NF2: variants seen among roughly 807,000 people sequenced by gnomAD.
NF2 encodes NF2, moesin-ezrin-radixin like (MERLIN) tumor suppressor.
In NF2, 8 loss-of-function variants were observed where a neutral mutation model predicts 83.7. The ratio of observed to expected loss-of-function variants is 0.10; its 90% CI spans 0.06 to 0.17. NF2 has a LOEUF of 0.17. NF2 is among the 10% of genes least tolerant of loss of function. The pLI, the probability that NF2 is intolerant of heterozygous loss-of-function variation, is 1.00. For missense variants in NF2, 533 were observed against 744.4 expected (o/e 0.72, Z 3.31); for synonymous variants, 266 against 269.6 (o/e 0.99, Z 0.13).
chr22:29,639,901 A>AT (rs2065758408), intron 3 of NF2, among the ~76,000 whole-genome samples: 1 of 147,190 alleles, frequency 6.8e-6, no homozygotes, highest in South Asian at 2.2e-4. Flanking sequence ...AAAAAAAAAA[A>AT]AAAAAAGGAC....
chr22:29,683,766 G>A (rs1342524913), intron 15 of NF2: 11 of 1,063,998 alleles, frequency 1.0e-5, no homozygotes, highest in Non-Finnish European at 1.3e-5. Flanking sequence ...GTACACTCAC[G>A]GCACCCTGGA....
rs984341291 is a variant in NF2, at chr22:29,604,192, G to T, written c.114+80G>T. The T allele has an allele frequency of 1.2e-5, 14 of 1,174,940 alleles. No individual in the cohort carries two copies. The African/African-American group carries it at 1.7e-4, about 14-fold the overall frequency. The allele number at this position is 1,174,940 out of a possible 1,614,324, so 72.8% of individuals were successfully genotyped here. On this transcript the variant is annotated intron_variant, in intron 1 of 15. Transcript: ENST00000338641. ...AGGTTCTCTTTATATCATCTTATGG[G>T]TGTAGCTAGAGACGGGCAGAACCGG...
chr22:29,674,399 C>G (rs1256456935), intron 12 of NF2, among the ~76,000 whole-genome samples: 1 of 152,206 alleles, frequency 6.6e-6, no homozygotes, highest in African/African-American at 2.4e-5. Flanking sequence ...ACAAGGCCCA[C>G]TGGTGTTTTA....
chr22:29,644,859 G>C (rs1350166731), intron 4 of NF2, among the ~76,000 whole-genome samples: 2 of 151,972 alleles, frequency 1.3e-5, no homozygotes, highest in Non-Finnish European at 2.9e-5. Context: ...GCAGTGAGCC[G>C]AGATGGCAGC....
intron 1 of NF2, among the ~76,000 whole-genome samples, chr22:29,626,441 C>A (rs1164521419): frequency 6.6e-6 from 1 of 152,134 alleles, no homozygotes; most frequent in East Asian, 1.9e-4. Flanking sequence ...TGCGAGCCAC[C>A]ACGCCCAGCC....
intron 4 of NF2, among the ~76,000 whole-genome samples, chr22:29,643,514 A>G (rs544023465): frequency 6.6e-6 from 1 of 152,308 alleles, no homozygotes; most frequent in East Asian, 1.9e-4. Flanking sequence ...GCTGCCTTCA[A>G]GCATCTGTTT....
intron 2 of NF2, among the ~76,000 whole-genome samples, chr22:29,637,463 C>T (rs1295263902): frequency 6.6e-6 from 1 of 152,166 alleles, no homozygotes; most frequent in Non-Finnish European, 1.5e-5. Flanking sequence ...TGAATATTGC[C>T]TAAAGGAACT....
chr22:29,683,186 G>A, intron 15 of NF2: 1 of 1,610,686 alleles, frequency 6.2e-7, no homozygotes, highest in Non-Finnish European at 8.5e-7. Flanking sequence ...GGCAGGTGGT[G>A]CCTGGGTACT....
At chr22:29,687,374 A>G (rs531678498) in intron 15 of NF2, among the ~76,000 whole-genome samples, 2 of 152,356 alleles carry the variant, frequency 1.3e-5, no homozygotes, top group Admixed American at 1.3e-4. Flanking sequence ...TCAGGAAGAC[A>G]TAAAAGTCCA....
intron 4 of NF2, among the ~76,000 whole-genome samples, chr22:29,649,261 G>A (rs1397745172): frequency 6.6e-6 from 1 of 152,184 alleles, no homozygotes; most frequent in Non-Finnish European, 1.5e-5. Flanking sequence ...TGGTTGCCAG[G>A]GAAAGGGAGA....
chr22:29,673,296 T>A lies in NF2; in HGVS notation c.1150T>A (p.Leu384Met), dbSNP rs2066859220. ...LMRSEETADL[L>M]AEKAQITEEE... ...GCGGTCTGAGGAGACAGCTGACCTG[T>A]TGGCTGAAAAGGCCCAGATCACCGA... Residue 384 changes from leucine (L) to methionine (M), a missense_variant, in exon 12 of 16, where the codon TTG becomes ATG. This residue lies in a region of NF2 where 8 missense variants were observed against 28.6 expected (regional missense o/e 0.28). Coordinates refer to ENST00000338641, the MANE Select transcript of NF2 (RefSeq NM_000268.4). 6.3e-7 allele frequency: 1 copy of A among 1,584,992 alleles called. No homozygotes were observed. Among genetic ancestry groups the A allele is most frequent in the Non-Finnish European group, 8.6e-7 (1 of 1,166,112 alleles).
At chr22:29,651,731 T>A (rs868855867) in intron 4 of NF2, among the ~76,000 whole-genome samples, 12 of 152,360 alleles carry the variant, frequency 7.9e-5, no homozygotes, top group South Asian at 6.2e-4. Context: ...TCTGCATTGC[T>A]CAAATGTGAT....
chr22:29,688,588 G>A (rs554850589), intron 15 of NF2, among the ~76,000 whole-genome samples: 23 of 152,358 alleles, frequency 1.5e-4, no homozygotes, highest in African/African-American at 5.3e-4. Flanking sequence ...GAGGAGCAGC[G>A]GAGGGCCCCG....
At chr22:29,643,869 G>A (rs1326371903) in intron 4 of NF2, among the ~76,000 whole-genome samples, 1 of 152,000 alleles carries the variant, frequency 6.6e-6, no homozygotes, top group African/African-American at 2.4e-5. Context: ...AGGGGCGGCC[G>A]GGCAGAGGCG....
chr22:29,630,380 C>CA (rs1453447569), intron 1 of NF2, among the ~76,000 whole-genome samples: 1 of 151,768 alleles, frequency 6.6e-6, no homozygotes, highest in Admixed American at 6.6e-5. Flanking sequence ...CCAGCTCCTA[C>CA]AAAAAAAATA....
chr22:29,607,340 T>TATA (rs2064824486), intron 1 of NF2, among the ~76,000 whole-genome samples: 1 of 151,670 alleles, frequency 6.6e-6, no homozygotes, highest in Non-Finnish European at 1.5e-5. Flanking sequence ...TTAGTGGAGC[T>TATA]TCATAGCTGG....
At chr22:29,693,536 A>G (rs1569318958) in intron 15 of NF2, among the ~76,000 whole-genome samples, 1 of 152,106 alleles carries the variant, frequency 6.6e-6, no homozygotes, top group Non-Finnish European at 1.5e-5. Context: ...GACTCTTCAC[A>G]TGCAGACTCG....
intron 6 of NF2, among the ~76,000 whole-genome samples, chr22:29,656,447 C>T (rs538345066): frequency 7.2e-5 from 9 of 124,706 alleles, no homozygotes; most frequent in Admixed American, 4.7e-4. Flanking sequence ...GAGTCTCACT[C>T]AGTCACCCAG....
At chr22:29,622,578 G>A (rs575039596) in intron 1 of NF2, among the ~76,000 whole-genome samples, 11 of 150,920 alleles carry the variant, frequency 7.3e-5, no homozygotes, top group Admixed American at 4.0e-4. Context: ...CTGTTCAGAC[G>A]ACATTGTTTC....
Sources: gnomAD v4.1 joint callset for allele counts (sites outside exome capture counted in the v4.1 genomes callset) on GRCh38, gnomAD v4.1.1 for gene constraint, gnomAD v4.1.1 regional missense constraint, MANE v1.5 for transcripts, NCBI Gene and HGNC (gene_info 2026-07-23, HGNC 2026-07-21) for gene names.